Variants in ERCC3 observed in about 807,000 individuals in gnomAD.
The protein encoded by ERCC3 is general transcription and DNA repair factor IIH helicase/translocase subunit XPB.
In ERCC3, 66 loss-of-function variants were observed where a neutral mutation model predicts 94.2. The observed-to-expected ratio is 0.70, with a 90% CI of 0.57 to 0.86. The LOEUF is 0.86. ERCC3 is among the 40% of genes least tolerant of loss of function. The pLI is 0.00. For missense variants in ERCC3, 829 were observed against 987.1 expected (o/e 0.84, Z 2.15); for synonymous variants, 349 against 369.1 (o/e 0.95, Z 0.63).
Position 127,286,949 on chromosome 2 carries a change from T to C in ERCC3, c.1096A>G (p.Asn366Asp), listed in dbSNP as rs375440546. The C allele has an allele frequency of 3.1e-6, 5 of 1,614,020 alleles. No homozygotes were observed. The highest frequency in any genetic ancestry group is 2.7e-5 in the African/African-American group (2 of 74,916). The stretch of plus-strand genomic sequence containing the variant: ...CACTGCTCCACAGAAACAGCTGAGT[T>C]GCCCAGCACCAGACAGCGTTTTCTG... ...TVRKRCLVLGNSAVSVEQWKA... is the reference protein window; with the variant it reads ...TVRKRCLVLGDSAVSVEQWKA... The change falls in exon 8 of 15, where the codon AAC (asparagine) becomes GAC (aspartate). Residue 366 changes from asparagine to aspartate, a missense_variant. Asn to Asp is a conservative substitution (Grantham distance 23). Coordinates refer to ENST00000285398, the MANE Select transcript of ERCC3 (RefSeq NM_000122.2).
rs1335794781 is a variant in ERCC3 at position 127,259,238 on chromosome 2, T to C, written c.2217+58A>G. The C allele has an allele frequency of 1.2e-6, 2 of 1,602,258 alleles. No homozygotes were observed. Among genetic ancestry groups the C allele is most frequent in the Non-Finnish European group, 1.7e-6 (2 of 1,169,972 alleles). ...AGGACTACATGTCTGTGTCTGTGTC[T>C]ACAAACGCTGCCCTGTGAGAGCACT... On this transcript the variant is annotated intron_variant, in intron 14 of 14. Transcript: ENST00000285398. The surrounding 1 kb of genome is among the most constrained non-coding windows in gnomAD (Gnocchi z 4.9).
chr2:127,293,792 C>T lies in ERCC3; in HGVS notation c.29-74G>A, dbSNP rs1685366628. Reference sequence around the variant, plus strand: ...CCCTCCGCACCGCTTGGCAGCATTTCACCTGCGCCGCCGCAAACTCCTAGC... The same window carrying T: ...CCCTCCGCACCGCTTGGCAGCATTTTACCTGCGCCGCCGCAAACTCCTAGC... On this transcript the variant is annotated intron_variant, in intron 1 of 14. Coordinates refer to ENST00000285398, the MANE Select transcript of ERCC3 (RefSeq NM_000122.2). 1.1e-5 allele frequency: 18 copies of T among 1,600,286 alleles called. No homozygotes were observed. In the South Asian group the frequency reaches 2.0e-4, roughly 18 times the overall value.
At chr2:127,262,448 G>C (rs1381796793) in intron 12 of ERCC3, 1 of 152,262 alleles carries the variant, frequency 6.6e-6, no homozygotes, top group East Asian at 1.9e-4. Context: ...AGCCAAGATC[G>C]CCCCACTGTA....
chr2:127,285,776 T>A (rs4662719), intron 8 of ERCC3, among the ~76,000 whole-genome samples: 114,418 of 150,980 alleles, frequency 0.76, 43,498 homozygotes, highest in East Asian at 1. Flanking sequence ...AGTTGAACCC[T>A]AGAGGCGGAG....
At chr2:127,286,012 G>T (rs1573956302) in intron 8 of ERCC3, among the ~76,000 whole-genome samples, 1 of 152,166 alleles carries the variant, frequency 6.6e-6, no homozygotes, top group East Asian at 1.9e-4. Context: ...ATGATACTTG[G>T]AGAAGTAGGG....
rs1455381227 is a variant in ERCC3 at position 127,280,702 on chromosome 2, T to C, written c.1343-71A>G. ...TTTTTTATTTATTTATTTTAAAATA[T>C]TTTTTGTAGAGATGGGGTCTCATTA... On this transcript the variant is annotated intron_variant, in intron 8 of 14. Transcript: ENST00000285398. The surrounding 1 kb of genome is among the most constrained non-coding windows in gnomAD (Gnocchi z 6.3). The C allele has an allele frequency of 1.5e-6, 2 of 1,378,422 alleles. No homozygotes were observed. Among genetic ancestry groups the C allele is most frequent in the African/African-American group, 2.9e-5 (2 of 69,172 alleles). The allele number at this position is 1,378,422 out of a possible 1,614,324, so 85.4% of individuals were successfully genotyped here. A position where few individuals can be genotyped will look rare whatever the true frequency, so the allele number is the denominator to read the frequency against.
rs369468852 is a variant in ERCC3 at position 127,257,697 on chromosome 2, T to C, written c.2248A>G (p.Met750Val). 1.5e-5 allele frequency: 24 copies of C among 1,614,016 alleles called. No homozygotes were observed. In the African/African-American group the frequency reaches 3.1e-4, roughly 21 times the overall value. The change falls in exon 15 of 15, where the codon ATG becomes GTG. Residue 750 changes from methionine to valine, a missense_variant. Coordinates refer to ENST00000285398, the MANE Select transcript of ERCC3 (RefSeq NM_000122.2). This position sits in a 1 kb window ranked among gnomAD's most constrained non-coding sequence, Gnocchi z 5.4. Reference protein sequence around the residue: ...ASRRFGTMSSMSGADDTVYME... With the variant: ...ASRRFGTMSSVSGADDTVYME... ...TACACAGTGTCGTCGGCCCCAGACATAGAACTCATGGTGCCAAAGCGCCGA... is the reference window on the plus strand; with the variant it reads ...TACACAGTGTCGTCGGCCCCAGACACAGAACTCATGGTGCCAAAGCGCCGA...
intron 10 of ERCC3, among the ~76,000 whole-genome samples, chr2:127,276,919 G>T (rs1684751063): frequency 6.6e-6 from 1 of 152,188 alleles, no homozygotes; most frequent in Non-Finnish European, 1.5e-5. Flanking sequence ...TGCACTGGAA[G>T]CTCCAATGTT....
chr2:127,273,684 G>C (rs1403096273), intron 10 of ERCC3, among the ~76,000 whole-genome samples: 1 of 147,382 alleles, frequency 6.8e-6, no homozygotes, highest in African/African-American at 2.5e-5. Context: ...GGGAGGCAGA[G>C]GTTGTGGTGA....
rs4150521 is a variant in ERCC3, at chr2:127,259,402, G to A, written c.2111C>T (p.Ser704Leu). 4,016 of 1,614,128 alleles carry A rather than the reference G, an allele frequency of 2.5e-3. 9 individuals are homozygous for A. Among genetic ancestry groups the A allele is most frequent in the Admixed American group, 3.1e-3 (188 of 60,008 alleles). ...AGMEEEDLAF[S>L]TKEEQQQLLQ... is the part of the protein sequence containing the mutation. ...GAGCTGCTGTTGCTCTTCTTTTGTC[G>A]AAAACGCCAAGTCTTCCTCCTCCAT... Residue 704 changes from serine to leucine, a missense_variant, in exon 14 of 15, where the codon TCG becomes TTG. By Grantham distance (145) the Ser-to-Leu change is moderately radical. Coordinates refer to ENST00000285398, the MANE Select transcript of ERCC3 (RefSeq NM_000122.2). The surrounding 1 kb of genome is among the most constrained non-coding windows in gnomAD (Gnocchi z 4.9).
In ERCC3 at chr2:127,292,941, G is replaced by A. The variant is rs976314975; in HGVS notation, c.235-95C>T. 5.0e-6 allele frequency: 4 copies of A among 794,032 alleles called. No individual in the cohort carries two copies. The African/African-American group carries it at 6.7e-5, about 13-fold the overall frequency. The allele number at this position is 794,032 out of a possible 1,614,324, so 49.2% of individuals were successfully genotyped here. On this transcript the variant is annotated intron_variant, in intron 2 of 14. Transcript: ENST00000285398. ...TATCATTATCAAGAAAGAATAAGCT[G>A]CCCAACACCACAGATATTCTTGCAA...
At chr2:127,263,140 A>T (rs1684247051) in intron 12 of ERCC3, among the ~76,000 whole-genome samples, 1 of 152,188 alleles carries the variant, frequency 6.6e-6, no homozygotes, top group Admixed American at 6.5e-5. Context: ...TTGGCTATTC[A>T]GGTGCTTTTG....
At position 127,259,179 on chromosome 2, in the gene ERCC3, C is replaced by A. The variant is rs1440035277; in HGVS notation, c.2217+117G>T. The A allele has an allele frequency of 8.1e-7, 1 of 1,236,866 alleles. No homozygotes were observed. Among genetic ancestry groups the A allele is most frequent in the Non-Finnish European group, 1.2e-6 (1 of 855,910 alleles). 76.6% of individuals were successfully genotyped at this position (1,236,866 alleles called of 1,614,324 possible). ...TGTTCATCTCTTCCGTGTTTTCCAA[C>A]ATTTCCAAAAAAATCCCATGGGCCC... On this transcript the variant is annotated intron_variant, in intron 14 of 14. Transcript: ENST00000285398. The surrounding 1 kb of genome is among the most constrained non-coding windows in gnomAD (Gnocchi z 4.9).
rs188255851 is a variant in ERCC3, at chr2:127,264,216, C to A, written c.1946-2870G>T. Among the ~76,000 whole-genome samples, 354 of 152,312 alleles carry A rather than the reference C, an allele frequency of 2.3e-3. 1 individual carries two copies. The highest frequency in any genetic ancestry group is 7.7e-3 in the African/African-American group (321 of 41,568). On this transcript the variant is annotated intron_variant, in intron 12 of 14. Transcript: ENST00000285398. The surrounding 1 kb of genome is among the most constrained non-coding windows in gnomAD (Gnocchi z 4.4). ...CAGTGGCTCACACCTATAATCCCAG[C>A]ACTTTGGGAGGCCAAGGTGGGTGGA...
chr2:127,260,368 G>A (rs964822185), intron 13 of ERCC3: 7 of 152,272 alleles, frequency 4.6e-5, no homozygotes, highest in African/African-American at 1.4e-4. Context: ...CAGGAGGTAG[G>A]AATGCTATTA....
chr2:127,259,836 G>C lies in ERCC3; in HGVS notation c.2065-388C>G. 1 of 332,108 alleles carries C rather than the reference G, an allele frequency of 3.0e-6. No homozygotes were observed. 20.6% of individuals were successfully genotyped at this position (332,108 alleles called of 1,614,324 possible). ...TGGAAGGCACAGGCTGTGGCCCTTT[G>C]TGAAGGTCCCTGGCATCTGCTGTGC... On this transcript the variant is annotated intron_variant, in intron 13 of 14. Coordinates refer to ENST00000285398, the MANE Select transcript of ERCC3 (RefSeq NM_000122.2). This position sits in a 1 kb window ranked among gnomAD's most constrained non-coding sequence, Gnocchi z 4.9.
rs4150519 is a variant in ERCC3 at position 127,259,806 on chromosome 2, G to T, written c.2065-358C>A. On this transcript the variant is annotated intron_variant, in intron 13 of 14. Coordinates refer to ENST00000285398, the MANE Select transcript of ERCC3 (RefSeq NM_000122.2). This position sits in a 1 kb window ranked among gnomAD's most constrained non-coding sequence, Gnocchi z 4.9. ...TTGGAGCAGACAAAGGAAGGGACAA[G>T]TGACTGGAAGGCACAGGCTGTGGCC... The T allele has an allele frequency of 2.6e-3, 955 of 361,024 alleles. 16 individuals carry two copies. Among genetic ancestry groups the T allele is most frequent in the South Asian group, 0.016 (701 of 44,284 alleles). 22.4% of individuals were successfully genotyped at this position (361,024 alleles called of 1,614,324 possible).
At position 127,278,266 on chromosome 2, in the gene ERCC3, A is replaced by T. The variant is rs1227612450; in HGVS notation, c.1730+907T>A. Among the ~76,000 whole-genome samples the T allele has an allele frequency of 2.6e-5, 4 of 151,934 alleles. No homozygotes were observed. In the East Asian group the frequency reaches 7.7e-4, roughly 29 times the overall value. ...AAAAAAAAAAAGAAAAAAGGAAGAAAGAAAGAAATATGAAGGTAAACAACA... is the reference window on the plus strand; with the variant it reads ...AAAAAAAAAAAGAAAAAAGGAAGAATGAAAGAAATATGAAGGTAAACAACA... On this transcript the variant is annotated intron_variant, in intron 10 of 14. Transcript: ENST00000285398.
Position 127,274,325 on chromosome 2 carries a change from A to G in ERCC3, c.1731-1364T>C, listed in dbSNP as rs376935972. 5.9e-5 allele frequency among the ~76,000 whole-genome samples: 9 copies of G among 152,142 alleles called. No homozygotes were observed. In the East Asian group the frequency reaches 1.5e-3, roughly 26 times the overall value. Reference sequence around the variant, plus strand: ...GTGAGACTCCGTCTCAGAAAAAAAAAAAAAAGAAAAAGAAAAGAAAAAAAT... The same window carrying G: ...GTGAGACTCCGTCTCAGAAAAAAAAGAAAAAGAAAAAGAAAAGAAAAAAAT... On this transcript the variant is annotated intron_variant, in intron 10 of 14. Coordinates refer to ENST00000285398, the MANE Select transcript of ERCC3 (RefSeq NM_000122.2). The surrounding 1 kb of genome is among the most constrained non-coding windows in gnomAD (Gnocchi z 4.0).
Sources: allele counts gnomAD v4.1 joint callset (sites outside exome capture counted in the v4.1 genomes callset), GRCh38; gene constraint gnomAD v4.1.1; non-coding constraint Gnocchi (gnomAD v3.1); transcripts MANE v1.5; gene names NCBI Gene and HGNC (gene_info 2026-07-23, HGNC 2026-07-21).